The following SLC25A42 variants were observed in gnomAD, a reference collection of about 807,000 sequenced individuals.
The protein encoded by SLC25A42 is solute carrier family 25 member 42.
Under a neutral mutation model 34.7 loss-of-function variants are expected in SLC25A42, and 19 were observed. The observed-to-expected ratio is 0.55, with a 90% CI of 0.38 to 0.80. SLC25A42 has a LOEUF of 0.80. Among genes scored for constraint, SLC25A42 ranks in the 30% least tolerant of loss-of-function variants. The pLI is 0.00. For synonymous variants in SLC25A42, 205 were observed against 191.2 expected, an observed-to-expected ratio of 1.07 and a Z score of -0.59; for missense variants, 364 against 441.3, an observed-to-expected ratio of 0.82 and a Z score of 1.57.
At chr19:19,106,015 AG>A in intron 5 of SLC25A42, 1 of 555,674 alleles carries the variant, frequency 1.8e-6, no homozygotes, top group Non-Finnish European at 3.2e-6. Context: ...CTATGCCCCC[AG>A]GGCCGTAGGG....
At position 19,105,589 on chromosome 19, in the gene SLC25A42, A is replaced by C; in HGVS notation, c.242A>C (p.Tyr81Ser). ...KEAFRVLYYT[Y>S]LNEGFLSLWR... ...GCCTTCCGGGTCCTCTACTACACCT[A>C]CCTCAACGAGGGATTTCTCAGCTTG... is the stretch of plus-strand genomic sequence containing the variant. The change falls in exon 5 of 8, where the codon TAC (tyrosine) becomes TCC (serine). Residue 81 changes from tyrosine (Y) to serine (S), a missense_variant. Coordinates refer to ENST00000318596, the MANE Select transcript of SLC25A42 (RefSeq NM_178526.5). 6.2e-7 allele frequency: 1 copy of C among 1,613,812 alleles called. No individual in the cohort carries two copies. Among genetic ancestry groups the C allele is most frequent in the Non-Finnish European group, 8.5e-7 (1 of 1,179,862 alleles).
At chr19:19,075,561 C>T (rs73010908) in intron 1 of SLC25A42, among the ~76,000 whole-genome samples, 9,277 of 152,234 alleles carry the variant, frequency 0.061, 367 homozygotes, top group Middle Eastern at 0.15. Context: ...GGCTGGGCCT[C>T]GGAGCCACAG....
Position 19,104,788 on chromosome 19 carries a change from T to C in SLC25A42, c.188-125T>C. Reference sequence around the variant, plus strand: ...GGCTTGGGTGTCAGCTCAGCTCCCATTCCTGGGACAAGATTGGGGGGAAAA... The same window carrying C: ...GGCTTGGGTGTCAGCTCAGCTCCCACTCCTGGGACAAGATTGGGGGGAAAA... On this transcript the variant is annotated intron_variant, in intron 3 of 7. Transcript: ENST00000318596. 2.9e-6 allele frequency: 3 copies of C among 1,039,390 alleles called. No individual in the cohort carries two copies. In the East Asian group the frequency reaches 8.0e-5, roughly 28 times the overall value. 64.4% of individuals were successfully genotyped at this position (1,039,390 alleles called of 1,614,324 possible). A position where few individuals can be genotyped will look rare whatever the true frequency, so the allele number is the denominator to read the frequency against.
chr19:19,112,460 C>T lies in SLC25A42; in HGVS notation c.*1584C>T. 1 of 152,500 alleles carries T rather than the reference C, an allele frequency of 6.6e-6. No individual in the cohort carries two copies. Among genetic ancestry groups the T allele is most frequent in the Non-Finnish European group, 1.5e-5 (1 of 68,142 alleles). The allele number at this position is 152,500 out of a possible 1,614,324, so 9.4% of individuals were successfully genotyped here. On this transcript the variant is annotated 3_prime_UTR_variant, in exon 8 of 8. Transcript: ENST00000318596. This position sits in a 1 kb window ranked among gnomAD's most constrained non-coding sequence, Gnocchi z 4.3. ...TCCCTTACCCAGCACTTAAACTTGG[C>T]AGGAGAGGCAGGGCAACCCTCACAG... is the stretch of plus-strand genomic sequence containing the variant.
intron 1 of SLC25A42, among the ~76,000 whole-genome samples, chr19:19,092,476 A>G (rs561116414): frequency 2.6e-5 from 4 of 152,236 alleles, no homozygotes; most frequent in Admixed American, 2.6e-4. Flanking sequence ...GAAGGATGGT[A>G]CCATGGGCAC....
intron 2 of SLC25A42, 24 bp from the exon 3 acceptor site, chr19:19,101,757 C>A: frequency 6.2e-7 from 1 of 1,602,732 alleles, no homozygotes; most frequent in Non-Finnish European, 8.5e-7. Context: ...GCCCTCTGAC[C>A]TCTGATCACA....
chr19:19,089,671 C>T (rs1319770765), intron 1 of SLC25A42, among the ~76,000 whole-genome samples: 5 of 151,934 alleles, frequency 3.3e-5, no homozygotes, highest in African/African-American at 1.2e-4. Context: ...AGATTGAGAC[C>T]AGCCTGCCCA....
rs2059680277 is a variant in SLC25A42, at chr19:19,081,246, C to G, written c.-34-14845C>G. On this transcript the variant is annotated intron_variant, in intron 1 of 7. Transcript: ENST00000318596. This position sits in a 1 kb window ranked among gnomAD's most constrained non-coding sequence, Gnocchi z 4.5. ...TGGGGCACATTTCTGCAGGATGTCCCAAGTGGCCCCAGGGTGACTTTCCAG... is the reference window on the plus strand; with the variant it reads ...TGGGGCACATTTCTGCAGGATGTCCGAAGTGGCCCCAGGGTGACTTTCCAG... Among the ~76,000 whole-genome samples, 1 of 152,080 alleles carries G rather than the reference C, an allele frequency of 6.6e-6. No individual in the cohort carries two copies. The highest frequency in any genetic ancestry group is 2.4e-5 in the African/African-American group (1 of 41,390).
chr19:19,098,061 G>A (rs763676818), intron 2 of SLC25A42, among the ~76,000 whole-genome samples: 10 of 152,124 alleles, frequency 6.6e-5, no homozygotes, highest in Non-Finnish European at 1.3e-4. Flanking sequence ...CTGCCTGGCC[G>A]ACAAATCCTT....
At chr19:19,094,197 C>T (rs1293218185) in intron 1 of SLC25A42, among the ~76,000 whole-genome samples, 2 of 152,238 alleles carry the variant, frequency 1.3e-5, no homozygotes, top group Admixed American at 1.3e-4. Context: ...CGCAGCCACA[C>T]CTGAGGGCAG....
At chr19:19,104,973 A>G in intron 4 of SLC25A42, 35 bp downstream of exon 4, 1 of 1,613,582 alleles carries the variant, frequency 6.2e-7, no homozygotes, top group African/African-American at 1.3e-5. Context: ...GCCTGGGGAC[A>G]GTCACCACTA....
intron 1 of SLC25A42, among the ~76,000 whole-genome samples, chr19:19,095,461 A>T (rs1212909723): frequency 1.3e-5 from 2 of 152,042 alleles, no homozygotes; most frequent in Non-Finnish European, 2.9e-5. Context: ...TAAAAATAAA[A>T]AATTAGCTGG....
intron 1 of SLC25A42, among the ~76,000 whole-genome samples, chr19:19,077,242 T>C (rs1380046493): frequency 2.6e-5 from 4 of 152,228 alleles, no homozygotes; most frequent in East Asian, 3.8e-4. Flanking sequence ...GTGCCATTTT[T>C]AAGTGTTCAG....
intron 1 of SLC25A42, among the ~76,000 whole-genome samples, chr19:19,089,542 T>A (rs60311224): frequency 0.021 from 2,816 of 135,866 alleles, 110 homozygotes; most frequent in East Asian, 0.12. Flanking sequence ...AAAATAATAA[T>A]AATAATAATA....
At chr19:19,071,498 G>A (rs2059629927) in intron 1 of SLC25A42, among the ~76,000 whole-genome samples, 1 of 152,132 alleles carries the variant, frequency 6.6e-6, no homozygotes, top group South Asian at 2.1e-4. Flanking sequence ...AGGGGGCCAG[G>A]GAGATTTTCA....
At chr19:19,102,212 T>C (rs187668421) in intron 3 of SLC25A42, among the ~76,000 whole-genome samples, 2 of 151,986 alleles carry the variant, frequency 1.3e-5, no homozygotes, top group East Asian at 2.0e-4. Flanking sequence ...GGTTTCACTA[T>C]GTTAGACAGG....
intron 1 of SLC25A42, among the ~76,000 whole-genome samples, chr19:19,095,149 C>T (rs1195545534): frequency 1.3e-5 from 2 of 151,850 alleles, no homozygotes; most frequent in African/African-American, 4.8e-5. Context: ...TGCAGTGAAC[C>T]GAGATCATGC....
Position 19,075,959 on chromosome 19 carries a change from G to T in SLC25A42, c.-35+11844G>T, listed in dbSNP as rs1003855924. Among the ~76,000 whole-genome samples, 9 of 152,242 alleles carry T rather than the reference G, an allele frequency of 5.9e-5. No homozygotes were observed. The East Asian group carries it at 1.7e-3, about 29-fold the overall frequency. ...TTGGGGGCAGCACCCTGAACCTAGG[G>T]GAGTGTGAAGTCTCATTACCTGACC... On this transcript the variant is annotated intron_variant, in intron 1 of 7. Coordinates refer to ENST00000318596, the MANE Select transcript of SLC25A42 (RefSeq NM_178526.5).
intron 3 of SLC25A42, among the ~76,000 whole-genome samples, 164 bp downstream of exon 3, chr19:19,102,050 C>G (rs1188062700): frequency 6.6e-6 from 1 of 151,918 alleles, no homozygotes; most frequent in Admixed American, 6.5e-5. Flanking sequence ...GCTCTGTCAC[C>G]CAGGCTGGAG....
Sources: allele counts gnomAD v4.1 joint callset (sites outside exome capture counted in the v4.1 genomes callset), GRCh38; gene constraint gnomAD v4.1.1; non-coding constraint Gnocchi (gnomAD v3.1); transcripts MANE v1.5; gene names NCBI Gene and HGNC (gene_info 2026-07-23, HGNC 2026-07-21).